The following PTPRM variants were observed in gnomAD, a reference collection of about 807,000 sequenced individuals.
The protein encoded by PTPRM is receptor-type tyrosine-protein phosphatase mu.
In PTPRM, 47 loss-of-function variants were observed where a neutral mutation model predicts 186.7. That is an observed-to-expected ratio of 0.25 (90% CI 0.20 to 0.32). The LOEUF (loss-of-function observed/expected upper bound fraction) is 0.32, where lower values mean the gene tolerates loss of function less well. Among genes scored for constraint, PTPRM ranks in the 10% least tolerant of loss-of-function variants. PTPRM has a pLI of 1.00. For missense variants in PTPRM, 1,494 were observed against 1,865.0 expected, an observed-to-expected ratio of 0.80 and a Z score of 3.66; for synonymous variants, 668 against 674.9, an observed-to-expected ratio of 0.99 and a Z score of 0.16.
At chr18:8,253,445 C>G (rs755578446) in intron 19 of PTPRM, 31 bp downstream of exon 19, 1 of 1,390,720 alleles carries the variant, frequency 7.2e-7, no homozygotes, top group Admixed American at 2.9e-5. Context: ...AGGGCTTTCC[C>G]ATTCCTTCTT....
At chr18:7,767,689 G>T (rs952139398) in intron 1 of PTPRM, among the ~76,000 whole-genome samples, 1 of 151,998 alleles carries the variant, frequency 6.6e-6, no homozygotes, top group Non-Finnish European at 1.5e-5. Flanking sequence ...TCAACAACTA[G>T]CCTTGCTGTC....
Position 8,244,077 on chromosome 18 carries a change from A to G in PTPRM, c.2320A>G (p.Lys774Glu). 1.9e-6 allele frequency: 3 copies of G among 1,609,722 alleles called. No individual in the cohort carries two copies. In the South Asian group the frequency reaches 3.3e-5, roughly 18 times the overall value. ...CCTAAGGAAACTGGCCAAGAAGCGG[A>G]AAGAGACCATGAGCAGCACCCGACA... is the stretch of plus-strand genomic sequence containing the variant. ...MKKRKLAKKR[K>E]ETMSSTRQEM... The change falls in exon 15 of 33, where the codon AAA (lysine) becomes GAA (glutamate). Residue 774 changes from lysine (K) to glutamate (E), a missense_variant. Physicochemically the swap from Lys to Glu is moderately conservative, Grantham distance 56. Around this residue, in one of 3 missense-constraint regions of PTPRM, gnomAD observed 1,107 missense variants for 1,350.2 expected, o/e 0.82. Transcript: ENST00000580170.
intron 15 of PTPRM, among the ~76,000 whole-genome samples, chr18:8,245,315 C>A (rs1430087797): frequency 1.3e-5 from 2 of 152,140 alleles, no homozygotes; most frequent in Admixed American, 1.3e-4. Context: ...ACTTCATCCT[C>A]CTCCATCAGT....
intron 2 of PTPRM, among the ~76,000 whole-genome samples, chr18:7,800,561 T>C (rs1012210027): frequency 6.6e-6 from 1 of 152,128 alleles, no homozygotes; most frequent in Non-Finnish European, 1.5e-5. Flanking sequence ...GTTTGACAGG[T>C]TGGAGTATCA....
At chr18:7,703,649 T>A (rs2144726603) in intron 1 of PTPRM, among the ~76,000 whole-genome samples, 1 of 152,304 alleles carries the variant, frequency 6.6e-6, no homozygotes, top group Middle Eastern at 3.4e-3. Context: ...CTCTTCCTAT[T>A]TGAATACCCT....
intron 14 of PTPRM, among the ~76,000 whole-genome samples, chr18:8,179,267 G>A (rs12953658): frequency 0.16 from 24,864 of 152,098 alleles, 2,454 homozygotes; most frequent in Non-Finnish European, 0.22. Flanking sequence ...AAATTCTGGA[G>A]AAATCAGGTA....
At chr18:7,926,169 T>C (rs2051162136) in intron 4 of PTPRM, among the ~76,000 whole-genome samples, 2 of 152,244 alleles carry the variant, frequency 1.3e-5, no homozygotes, top group Non-Finnish European at 2.9e-5. Context: ...ATTTAACTTC[T>C]TACTGTTCTT....
At chr18:8,121,354 C>A (rs1412126278) in intron 13 of PTPRM, among the ~76,000 whole-genome samples, 1 of 152,198 alleles carries the variant, frequency 6.6e-6, no homozygotes, top group African/African-American at 2.4e-5. Context: ...AATTAGTAAT[C>A]TTTCATGTAA....
At chr18:7,684,597 T>C (rs992236339) in intron 1 of PTPRM, among the ~76,000 whole-genome samples, 6 of 152,228 alleles carry the variant, frequency 3.9e-5, no homozygotes, top group Admixed American at 1.3e-4. Context: ...AATCATACGC[T>C]ATTTGTCCTT....
chr18:7,654,462 G>C (rs1038398262), intron 1 of PTPRM, among the ~76,000 whole-genome samples: 2 of 151,930 alleles, frequency 1.3e-5, no homozygotes, highest in South Asian at 4.1e-4. Flanking sequence ...ATTAGATCCT[G>C]TTTGTCAATT....
intron 5 of PTPRM, among the ~76,000 whole-genome samples, chr18:7,936,656 G>A (rs2051832124): frequency 6.6e-6 from 1 of 152,184 alleles, no homozygotes; most frequent in Admixed American, 6.5e-5. Context: ...AGGGCAGATG[G>A]GGGAGTTCCC....
intron 14 of PTPRM, among the ~76,000 whole-genome samples, chr18:8,233,492 T>A (rs6506560): frequency 0.11 from 17,500 of 152,268 alleles, 1,192 homozygotes; most frequent in Non-Finnish European, 0.16. Context: ...TCTGGCCCAT[T>A]TTTTAATCCC....
intron 22 of PTPRM, among the ~76,000 whole-genome samples, chr18:8,324,299 C>T (rs781217813): frequency 1.3e-4 from 20 of 152,068 alleles, no homozygotes; most frequent in Non-Finnish European, 2.5e-4. Flanking sequence ...GTATTTTGAA[C>T]CATGGTCAGT....
chr18:7,901,649 C>G (rs1445602473), intron 3 of PTPRM, among the ~76,000 whole-genome samples: 1 of 152,128 alleles, frequency 6.6e-6, no homozygotes, highest in Non-Finnish European at 1.5e-5. Context: ...CAGGCATGAA[C>G]CACTGTGCCT....
At chr18:7,599,636 G>T (rs553765661) in intron 1 of PTPRM, among the ~76,000 whole-genome samples, 1 of 152,206 alleles carries the variant, frequency 6.6e-6, no homozygotes, top group African/African-American at 2.4e-5. Flanking sequence ...TCATCTGGGG[G>T]TGCTTATTCA....
intron 2 of PTPRM, among the ~76,000 whole-genome samples, chr18:7,861,636 A>T (rs2047384627): frequency 6.6e-6 from 1 of 152,052 alleles, no homozygotes; most frequent in Admixed American, 6.6e-5. Context: ...CTTTCTGAGG[A>T]TCTGGTTCGT....
At chr18:8,344,166 A>G (rs1035614630) in intron 23 of PTPRM, among the ~76,000 whole-genome samples, 1 of 152,188 alleles carries the variant, frequency 6.6e-6, no homozygotes, top group Admixed American at 6.5e-5. Context: ...TGCCTTTTTT[A>G]CAGTAGGTTG....
intron 14 of PTPRM, among the ~76,000 whole-genome samples, chr18:8,207,185 G>C (rs935314397): frequency 5.9e-5 from 9 of 152,162 alleles, no homozygotes; most frequent in Non-Finnish European, 1.2e-4. Flanking sequence ...GGGTGGATAT[G>C]AAACTGTAGA....
chr18:8,211,175 A>G (rs1370371928), intron 14 of PTPRM, among the ~76,000 whole-genome samples: 1 of 152,100 alleles, frequency 6.6e-6, no homozygotes, highest in African/African-American at 2.4e-5. Context: ...GCAATGGGAT[A>G]CCAACTGGAG....
Sources: allele counts gnomAD v4.1 joint callset (sites outside exome capture counted in the v4.1 genomes callset), GRCh38; gene constraint gnomAD v4.1.1; regional missense constraint gnomAD v4.1.1; transcripts MANE v1.5; gene names NCBI Gene and HGNC (gene_info 2026-07-23, HGNC 2026-07-21).